The following KIAA1755 variants were observed in gnomAD, a reference collection of about 807,000 sequenced individuals.
KIAA1755 encodes uncharacterized protein KIAA1755.
KIAA1755 carries 68 observed loss-of-function variants against 91.7 expected under a neutral mutation model. The ratio of observed to expected loss-of-function variants is 0.74; its 90% CI spans 0.61 to 0.91. KIAA1755 has a LOEUF of 0.91. KIAA1755 is among the 40% of genes least tolerant of loss of function. The pLI, the probability that KIAA1755 is intolerant of heterozygous loss-of-function variation, is 0.00. For missense variants in KIAA1755, 1,535 were observed against 1,494.4 expected (o/e 1.03, Z -0.45); for synonymous variants, 610 against 604.6 (o/e 1.01, Z -0.13).
At chr20:38,250,292 C>T (rs1333258908) in intron 1 of KIAA1755, among the ~76,000 whole-genome samples, 2 of 152,150 alleles carry the variant, frequency 1.3e-5, no homozygotes, top group African/African-American at 4.8e-5. Flanking sequence ...TCAGATTTAA[C>T]TCGTTGTGCC....
At chr20:38,251,518 T>C (rs1421562635) in intron 1 of KIAA1755, among the ~76,000 whole-genome samples, 1 of 151,788 alleles carries the variant, frequency 6.6e-6, no homozygotes, top group Non-Finnish European at 1.5e-5. Context: ...TGGGGGGATG[T>C]GTATACTTCT....
chr20:38,213,886 C>T, intron 13 of KIAA1755, 143 bp from the exon 14 acceptor site: 1 of 579,326 alleles, frequency 1.7e-6, no homozygotes, highest in Non-Finnish European at 2.9e-6. Context: ...TGGTTTCCCT[C>T]TCTTCCCTGG....
chr20:38,240,047 C>T (rs147119959), intron 3 of KIAA1755, among the ~76,000 whole-genome samples: 1 of 152,306 alleles, frequency 6.6e-6, no homozygotes, highest in African/African-American at 2.4e-5. Context: ...AAGGCATGCA[C>T]CACGAAGCCC....
At position 38,225,721 on chromosome 20, in the gene KIAA1755, C is replaced by T. The variant is rs746025973; in HGVS notation, c.2113G>A (p.Ala705Thr). The change falls in exon 8 of 14, where the codon GCA (alanine) becomes ACA (threonine). Residue 705 changes from alanine to threonine, a missense_variant. Coordinates refer to ENST00000279024, the MANE Select transcript of KIAA1755 (RefSeq NM_001029864.2). ...TAGGGGAAGGGGCCTTCCAGGACTG[C>T]GGGCAGCTGGCTGGGGTCCACATGG... is the stretch of plus-strand genomic sequence containing the variant. ...SHHVDPSQLP[A>T]VLEGPFPYCH... is the part of the protein sequence containing the mutation. The T allele has an allele frequency of 4.0e-5, 65 of 1,610,198 alleles. No individual in the cohort carries two copies. Among genetic ancestry groups the T allele is most frequent in the Non-Finnish European group, 5.2e-5 (61 of 1,178,356 alleles).
chr20:38,259,486 T>C (rs1302897293), intron 1 of KIAA1755, among the ~76,000 whole-genome samples: 1 of 150,954 alleles, frequency 6.6e-6, no homozygotes, highest in Non-Finnish European at 1.5e-5. Flanking sequence ...TGTGTGTGCA[T>C]GTGTACGTGT....
intron 3 of KIAA1755, 65 bp from the exon 4 acceptor site, chr20:38,239,790 G>T (rs1038624019): frequency 2.2e-6 from 3 of 1,356,310 alleles, no homozygotes; most frequent in African/African-American, 1.4e-5. Context: ...AGGGGAAAAC[G>T]TCTCCTCTTT....
chr20:38,239,852 G>A (rs1190145773), intron 3 of KIAA1755, 127 bp from the exon 4 acceptor site: 1 of 893,200 alleles, frequency 1.1e-6, no homozygotes, highest in Non-Finnish European at 1.8e-6. Context: ...CATGTGCCAG[G>A]CATTGCGCTA....
At chr20:38,259,052 G>T (rs6127573) in intron 1 of KIAA1755, among the ~76,000 whole-genome samples, 21,858 of 152,144 alleles carry the variant, frequency 0.14, 2,798 homozygotes, top group African/African-American at 0.34. Flanking sequence ...CACTTTCTGG[G>T]TGGGGTGACC....
At chr20:38,251,786 G>C (rs891555052) in intron 1 of KIAA1755, among the ~76,000 whole-genome samples, 2 of 152,092 alleles carry the variant, frequency 1.3e-5, no homozygotes, top group African/African-American at 4.8e-5. Flanking sequence ...AGCTGGTCTT[G>C]AACTCCTGAC....
intron 4 of KIAA1755, among the ~76,000 whole-genome samples, chr20:38,234,123 G>T (rs2075915836): frequency 6.6e-6 from 1 of 152,146 alleles, no homozygotes; most frequent in African/African-American, 2.4e-5. Flanking sequence ...ATGAGAAAAT[G>T]AATCTCTGTT....
Position 38,235,910 on chromosome 20 carries a change from G to A in KIAA1755, c.1747+3618C>T, listed in dbSNP as rs139703525. The stretch of plus-strand genomic sequence containing the variant: ...TTATGAAAACTTTACGGGGAGACCT[G>A]CTTCACAGGGCTGGCTTGGAGCAGA... On this transcript the variant is annotated intron_variant, in intron 4 of 13. Coordinates refer to ENST00000279024, the MANE Select transcript of KIAA1755 (RefSeq NM_001029864.2). Among the ~76,000 whole-genome samples the A allele has an allele frequency of 2.2e-3, 331 of 152,322 alleles. 4 individuals carry two copies. In the East Asian group the frequency reaches 0.043, roughly 20 times the overall value.
chr20:38,238,460 C>T (rs146232687), intron 4 of KIAA1755, among the ~76,000 whole-genome samples: 14 of 152,288 alleles, frequency 9.2e-5, no homozygotes, highest in African/African-American at 1.7e-4. Context: ...TTGTCTGGAA[C>T]GCCGTTCCCA....
At chr20:38,252,490 C>T (rs549955171) in intron 1 of KIAA1755, among the ~76,000 whole-genome samples, 1 of 152,268 alleles carries the variant, frequency 6.6e-6, no homozygotes, top group South Asian at 2.1e-4. Flanking sequence ...TGATCTTGCC[C>T]AAGACCGCAC....
intron 13 of KIAA1755, among the ~76,000 whole-genome samples, chr20:38,214,181 C>T (rs1225597633): frequency 6.6e-6 from 1 of 152,100 alleles, no homozygotes; most frequent in Admixed American, 6.5e-5. Flanking sequence ...GAACTCCTGA[C>T]CTCAGGTGAT....
chr20:38,241,860 G>T lies in KIAA1755; in HGVS notation c.271C>A (p.His91Asn). The change falls in exon 3 of 14, where the codon CAC becomes AAC. Residue 91 changes from histidine to asparagine, a missense_variant. Transcript: ENST00000279024. ...PLCLRDEVVV[H>N]LAPLNPLLLR... Reference sequence around the variant, plus strand: ...AAGAGAGGGTTGAGGGGTGCCAAGTGGACCACAACTTCATCCCTCAGACAG... The same window carrying T: ...AAGAGAGGGTTGAGGGGTGCCAAGTTGACCACAACTTCATCCCTCAGACAG... 1 of 1,614,002 alleles carries T rather than the reference G, an allele frequency of 6.2e-7. No individual in the cohort carries two copies. The highest frequency in any genetic ancestry group is 8.5e-7 in the Non-Finnish European group (1 of 1,180,016).
chr20:38,247,758 G>T (rs1395173526), intron 1 of KIAA1755, among the ~76,000 whole-genome samples: 2 of 152,182 alleles, frequency 1.3e-5, no homozygotes, highest in Non-Finnish European at 2.9e-5. Context: ...GTAATCACCA[G>T]GTGGAAGAGG....
At position 38,241,313 on chromosome 20, in the gene KIAA1755, C is replaced by T. The variant is rs763403284; in HGVS notation, c.818G>A (p.Gly273Glu). ...AAAGCCTAGGAGAGCCACATAGTCT[C>T]CCTCGAAGTCCTGGCTGACCACCTC... ...MDEVVSQDFE[G>E]DYVALLGFSQ... Residue 273 changes from glycine to glutamate, a missense_variant, in exon 3 of 14, where the codon GGA becomes GAA. Gly to Glu is a moderately conservative substitution (Grantham distance 98). Transcript: ENST00000279024. The T allele has an allele frequency of 1.2e-6, 2 of 1,614,070 alleles. No homozygotes were observed. Among genetic ancestry groups the T allele is most frequent in the Admixed American group, 1.7e-5 (1 of 60,014 alleles).
chr20:38,218,759 A>G (rs1224945059), intron 11 of KIAA1755, among the ~76,000 whole-genome samples: 1 of 152,204 alleles, frequency 6.6e-6, no homozygotes, highest in African/African-American at 2.4e-5. Flanking sequence ...GCGCGTGCAC[A>G]TGCAAACAGT....
chr20:38,223,808 G>T (rs746980987), intron 8 of KIAA1755, among the ~76,000 whole-genome samples, 172 bp from the exon 9 acceptor site: 1 of 152,210 alleles, frequency 6.6e-6, no homozygotes, highest in Non-Finnish European at 1.5e-5. Context: ...TGCTCCTGAG[G>T]TTCTGCTTCA....
Sources: allele counts gnomAD v4.1 joint callset (sites outside exome capture counted in the v4.1 genomes callset), GRCh38; gene constraint gnomAD v4.1.1; transcripts MANE v1.5; gene names NCBI Gene and HGNC (gene_info 2026-07-23, HGNC 2026-07-21).